Variants in PTPRD observed in about 807,000 individuals in gnomAD.
PTPRD encodes the protein protein tyrosine phosphatase receptor type D, also known as receptor-type tyrosine-protein phosphatase delta.
A neutral mutation model predicts 214.5 loss-of-function variants in PTPRD; 34 were observed. That is an observed-to-expected ratio of 0.16 (90% confidence interval 0.12 to 0.21). The LOEUF (loss-of-function observed/expected upper bound fraction) is 0.21. Ranked by LOEUF, PTPRD falls within the 10% of genes least tolerant of loss-of-function variation. The pLI is 1.00. For synonymous variants in PTPRD, 1,128 were observed against 845.7 expected (o/e 1.33, Z -5.79); for missense variants, 2,545 against 2,398.7 (o/e 1.06, Z -1.27).
chr9:8,578,010 T>G (rs1034285113), intron 14 of PTPRD, among the ~76,000 whole-genome samples: 1 of 152,182 alleles, frequency 6.6e-6, no homozygotes, highest in Non-Finnish European at 1.5e-5. Context: ...GAATATGCAA[T>G]ACACATTTGT....
intron 9 of PTPRD, among the ~76,000 whole-genome samples, chr9:9,256,205 G>A (rs143197629): frequency 6.6e-5 from 10 of 152,098 alleles, no homozygotes; most frequent in African/African-American, 2.2e-4. Flanking sequence ...GGACCACAAA[G>A]AAGAGTGACA....
intron 27 of PTPRD, among the ~76,000 whole-genome samples, chr9:8,489,969 G>C (rs779196402): frequency 6.6e-6 from 1 of 152,142 alleles, no homozygotes; most frequent in African/African-American, 2.4e-5. Context: ...TATTCTAGTT[G>C]GGAAAATAAT....
At chr9:10,477,809 G>C (rs1678536233) in intron 2 of PTPRD, among the ~76,000 whole-genome samples, 1 of 151,970 alleles carries the variant, frequency 6.6e-6, no homozygotes, top group Non-Finnish European at 1.5e-5. Context: ...CATAAAAAAG[G>C]ATGAGTTCAT....
intron 11 of PTPRD, among the ~76,000 whole-genome samples, chr9:8,784,198 T>C (rs1043233326): frequency 3.9e-5 from 6 of 152,214 alleles, no homozygotes; most frequent in African/African-American, 1.4e-4. Flanking sequence ...AATGGCTTCA[T>C]TCTGCTGAAA....
In PTPRD at chr9:8,876,025, T is replaced by A. The variant is rs1269877735; in HGVS notation, c.-103-142079A>T. 8.5e-5 allele frequency among the ~76,000 whole-genome samples: 13 copies of A among 152,334 alleles called. No individual in the cohort carries two copies. In the East Asian group the frequency reaches 2.3e-3, roughly 27 times the overall value. On this transcript the variant is annotated intron_variant, in intron 11 of 45. Transcript: ENST00000381196. ...ACATAGTGTCTTTATTAAGTAACAT[T>A]TTGTTGGATTTTTCTCTTACTTAGA...
intron 11 of PTPRD, among the ~76,000 whole-genome samples, chr9:9,013,054 G>GA (rs996161406): frequency 1.3e-5 from 2 of 152,104 alleles, no homozygotes; most frequent in Non-Finnish European, 2.9e-5. Flanking sequence ...TAAAGGGGGG[G>GA]ATGCAGATAG....
chr9:10,106,382 GTACC>G (rs1438310204), intron 3 of PTPRD, among the ~76,000 whole-genome samples: 1 of 151,840 alleles, frequency 6.6e-6, no homozygotes, highest in Non-Finnish European at 1.5e-5. Context: ...GGTTTATAGT[GTACC>G]TACTGTATAT....
At chr9:9,542,434 A>C (rs983124282) in intron 8 of PTPRD, among the ~76,000 whole-genome samples, 1 of 151,788 alleles carries the variant, frequency 6.6e-6, no homozygotes, top group Non-Finnish European at 1.5e-5. Flanking sequence ...TTTAAATAAA[A>C]AACACTAACA....
chr9:10,116,186 T>C lies in PTPRD; in HGVS notation c.-544-82396A>G, dbSNP rs552454665. Reference sequence around the variant, plus strand: ...ACCATAGGAGGTTTGCAGTTGCACATTGAAATAACCACATCATCATAAAGA... The same window carrying C: ...ACCATAGGAGGTTTGCAGTTGCACACTGAAATAACCACATCATCATAAAGA... On this transcript the variant is annotated intron_variant, in intron 3 of 45. Coordinates refer to ENST00000381196, the MANE Select transcript of PTPRD (RefSeq NM_002839.4). 7.9e-5 allele frequency among the ~76,000 whole-genome samples: 12 copies of C among 152,236 alleles called. No homozygotes were observed. The East Asian group carries it at 1.5e-3, about 20-fold the overall frequency.
chr9:10,059,173 T>A (rs569329034), intron 3 of PTPRD, among the ~76,000 whole-genome samples: 1 of 152,092 alleles, frequency 6.6e-6, no homozygotes, highest in Non-Finnish European at 1.5e-5. Context: ...AAGATTATTT[T>A]AGTGCCAGCT....
chr9:9,394,686 C>A (rs948059532), intron 9 of PTPRD, among the ~76,000 whole-genome samples: 2 of 151,894 alleles, frequency 1.3e-5, no homozygotes, highest in African/African-American at 4.8e-5. Flanking sequence ...ATATTGAGCT[C>A]TATTGGTGCA....
At position 9,522,534 on chromosome 9, in the gene PTPRD, T is replaced by C. The variant is rs1442190261; in HGVS notation, c.-237+52198A>G. Among the ~76,000 whole-genome samples, 6 of 152,084 alleles carry C rather than the reference T, an allele frequency of 3.9e-5. No homozygotes were observed. In the East Asian group the frequency reaches 1.2e-3, roughly 29 times the overall value. On this transcript the variant is annotated intron_variant, in intron 8 of 45. Coordinates refer to ENST00000381196, the MANE Select transcript of PTPRD (RefSeq NM_002839.4). ...GCTTTAAATTACCTTTCAATAATAA[T>C]AGATTCTGCAGAGTAGGTCTTAGAA...
At chr9:9,043,509 T>G (rs1403836237) in intron 10 of PTPRD, among the ~76,000 whole-genome samples, 2 of 152,164 alleles carry the variant, frequency 1.3e-5, no homozygotes, top group Non-Finnish European at 2.9e-5. Context: ...CAATAAATAG[T>G]TCACTTTCAA....
intron 11 of PTPRD, among the ~76,000 whole-genome samples, chr9:8,737,632 C>T (rs1284646485): frequency 2.6e-5 from 4 of 151,996 alleles, no homozygotes; most frequent in Non-Finnish European, 5.9e-5. Flanking sequence ...AGAAGCCAAC[C>T]CTTTGATTTT....
At chr9:8,791,958 G>C (rs1476442822) in intron 11 of PTPRD, among the ~76,000 whole-genome samples, 1 of 152,124 alleles carries the variant, frequency 6.6e-6, no homozygotes, top group Non-Finnish European at 1.5e-5. Context: ...AGATAAAAGG[G>C]AGAGTGAAGG....
At chr9:8,774,206 T>A (rs946691683) in intron 11 of PTPRD, among the ~76,000 whole-genome samples, 1 of 152,214 alleles carries the variant, frequency 6.6e-6, no homozygotes, top group Non-Finnish European at 1.5e-5. Context: ...GGGATGATAC[T>A]TGCATTTTCA....
chr9:9,503,007 G>C (rs1163052238), intron 8 of PTPRD, among the ~76,000 whole-genome samples: 1 of 151,752 alleles, frequency 6.6e-6, no homozygotes, highest in African/African-American at 2.4e-5. Context: ...AGACTACACA[G>C]GTTAATATGT....
chr9:10,375,212 G>C (rs1279929221), intron 2 of PTPRD, among the ~76,000 whole-genome samples: 1 of 152,036 alleles, frequency 6.6e-6, no homozygotes, highest in Non-Finnish European at 1.5e-5. Context: ...GTAGAGGCTT[G>C]TACTTGCATT....
chr9:8,840,473 T>G (rs2097536655), intron 11 of PTPRD, among the ~76,000 whole-genome samples: 1 of 152,232 alleles, frequency 6.6e-6, no homozygotes, highest in Non-Finnish European at 1.5e-5. Context: ...TAAACCTTTT[T>G]CCTGTATAAA....
Sources: allele counts gnomAD v4.1 joint callset (sites outside exome capture counted in the v4.1 genomes callset), GRCh38; gene constraint gnomAD v4.1.1; transcripts MANE v1.5; gene names NCBI Gene and HGNC (gene_info 2026-07-23, HGNC 2026-07-21).